Variants in SLC25A26 observed in about 807,000 individuals in gnomAD.
SLC25A26 encodes the protein mitochondrial S-adenosylmethionine carrier protein.
SLC25A26 carries 36 observed loss-of-function variants against 37.8 expected under a neutral mutation model. The ratio of observed to expected loss-of-function variants is 0.95; its 90% confidence interval spans 0.73 to 1.26. SLC25A26 has a LOEUF of 1.26. Among genes scored for constraint, SLC25A26 ranks in the 50% most tolerant of loss-of-function variants. The pLI is 0.00. For missense variants in SLC25A26, 390 were observed against 331.1 expected (o/e 1.18, Z -1.38); for synonymous variants, 129 against 122.5 (o/e 1.05, Z -0.35).
intron 6 of SLC25A26, among the ~76,000 whole-genome samples, chr3:66,348,144 A>C (rs1188079335): frequency 6.6e-6 from 1 of 152,212 alleles, no homozygotes; most frequent in Non-Finnish European, 1.5e-5. Context: ...CAACAACAAC[A>C]ACAGCAAAAG....
At chr3:66,301,436 A>G (rs969247847) in intron 5 of SLC25A26, among the ~76,000 whole-genome samples, 2 of 152,210 alleles carry the variant, frequency 1.3e-5, no homozygotes, top group African/African-American at 4.8e-5. Context: ...GGAGGGCACA[A>G]CCAATTCGTC....
chr3:66,169,884 A>G (rs1200153712), intron 1 of SLC25A26, among the ~76,000 whole-genome samples: 5 of 152,212 alleles, frequency 3.3e-5, no homozygotes, highest in Non-Finnish European at 7.3e-5. Context: ...ATATCTTTAC[A>G]TGTCCATGAA....
chr3:66,305,964 ATTGT>A (rs2075208796), intron 5 of SLC25A26, among the ~76,000 whole-genome samples: 1 of 151,896 alleles, frequency 6.6e-6, no homozygotes, highest in South Asian at 2.1e-4. Context: ...GCCAGCATCT[ATTGT>A]TTCTTTCTTT....
At chr3:66,147,486 G>A (rs1014420857) in intron 1 of SLC25A26, among the ~76,000 whole-genome samples, 1 of 151,820 alleles carries the variant, frequency 6.6e-6, no homozygotes, top group Non-Finnish European at 1.5e-5. Flanking sequence ...TTCACTCGTT[G>A]GTTGATGGAC....
chr3:66,362,427 TAA>T (rs34400653), intron 6 of SLC25A26, among the ~76,000 whole-genome samples: 1 of 151,934 alleles, frequency 6.6e-6, no homozygotes, highest in African/African-American at 2.4e-5. Flanking sequence ...AAGTTGGATT[TAA>T]AAAAAATATG....
At chr3:66,339,873 A>T (rs1450870108) in intron 5 of SLC25A26, among the ~76,000 whole-genome samples, 4 of 151,922 alleles carry the variant, frequency 2.6e-5, no homozygotes, top group Admixed American at 2.0e-4. Flanking sequence ...ATGTAGTCCC[A>T]TTTATTTCTT....
intron 5 of SLC25A26, among the ~76,000 whole-genome samples, chr3:66,294,538 GTTTA>G (rs1037865123): frequency 4.6e-5 from 7 of 152,048 alleles, no homozygotes; most frequent in African/African-American, 7.2e-5. Flanking sequence ...TGTAGTATTT[GTTTA>G]TTTATTTATT....
chr3:66,194,234 G>A (rs2071000135), intron 1 of SLC25A26, among the ~76,000 whole-genome samples: 1 of 152,140 alleles, frequency 6.6e-6, no homozygotes, highest in South Asian at 2.1e-4. Flanking sequence ...TTATAAATAT[G>A]TTTTGCTCAT....
At chr3:66,266,582 T>TTTTC (rs1365401466) in intron 5 of SLC25A26, among the ~76,000 whole-genome samples, 28 of 150,274 alleles carry the variant, frequency 1.9e-4, no homozygotes, top group African/African-American at 6.7e-4. Flanking sequence ...CACACTTTTT[T>TTTTC]TTTTTTTTTT....
chr3:66,377,133 A>G (rs943472629), intron 9 of SLC25A26, among the ~76,000 whole-genome samples: 1 of 152,132 alleles, frequency 6.6e-6, no homozygotes, highest in Non-Finnish European at 1.5e-5. Flanking sequence ...CATTGCTCTG[A>G]TTATTCTACA....
intron 1 of SLC25A26, among the ~76,000 whole-genome samples, chr3:66,232,567 A>C (rs890003921): frequency 6.6e-6 from 1 of 152,238 alleles, no homozygotes; most frequent in East Asian, 1.9e-4. Context: ...AATTGTGTTC[A>C]GTGCTTGGAA....
rs71616221 is a variant in SLC25A26, at chr3:66,367,707, CAGAG to C, written c.569-1749_569-1746del. Among the ~76,000 whole-genome samples the C allele has an allele frequency of 3.7e-3, 503 of 136,782 alleles. 1 individual carries two copies. The highest frequency in any genetic ancestry group is 6.5e-3 in the African/African-American group (198 of 30,572). The allele number at this position is 136,782 out of a possible 152,430, so 89.7% of individuals were successfully genotyped here. On this transcript the variant is annotated intron_variant, in intron 7 of 9. Coordinates refer to ENST00000354883, the MANE Select transcript of SLC25A26 (RefSeq NM_001379210.1). The stretch of plus-strand genomic sequence containing the variant: ...AGACAGACAGACAGACAGACAGACA[CAGAG>C]AGAGAGAGAGAGAGAGAGAGACAGA...
chr3:66,362,270 C>T (rs1202184066), intron 6 of SLC25A26, among the ~76,000 whole-genome samples: 2 of 151,920 alleles, frequency 1.3e-5, no homozygotes, highest in South Asian at 2.1e-4. Flanking sequence ...TGTAATAGCC[C>T]CAAACTGGAA....
chr3:66,251,728 A>G (rs782713792), intron 3 of SLC25A26, among the ~76,000 whole-genome samples: 1 of 152,162 alleles, frequency 6.6e-6, no homozygotes, highest in Non-Finnish European at 1.5e-5. Flanking sequence ...GTAGAAAGGA[A>G]CATTGTACCC....
rs148201931 is a variant in SLC25A26 at position 66,251,844 on chromosome 3, A to C, written c.300+8532A>C. Among the ~76,000 whole-genome samples, 38 of 152,228 alleles carry C rather than the reference A, an allele frequency of 2.5e-4. No individual in the cohort carries two copies. In the East Asian group the frequency reaches 7.1e-3, roughly 29 times the overall value. On this transcript the variant is annotated intron_variant, in intron 3 of 9. Coordinates refer to ENST00000354883, the MANE Select transcript of SLC25A26 (RefSeq NM_001379210.1). ...TTTTTCTAATATAGTATGCAGTGTT[A>C]GTTCAGATGGTATTGATTCATGACC...
chr3:66,162,976 G>GCAGA (rs1206217834), intron 1 of SLC25A26, among the ~76,000 whole-genome samples: 4 of 152,176 alleles, frequency 2.6e-5, no homozygotes, highest in Non-Finnish European at 5.9e-5. Context: ...TTGGAACTCT[G>GCAGA]GCCTTATTTC....
At chr3:66,277,360 T>C (rs1240825871) in intron 5 of SLC25A26, among the ~76,000 whole-genome samples, 3 of 152,024 alleles carry the variant, frequency 2.0e-5, no homozygotes, top group South Asian at 2.1e-4. Context: ...AAGACAAATA[T>C]TGTATTATAT....
chr3:66,319,446 G>C (rs1014566052), intron 5 of SLC25A26, among the ~76,000 whole-genome samples: 3 of 151,450 alleles, frequency 2.0e-5, no homozygotes, highest in Non-Finnish European at 4.4e-5. Context: ...TTATTAGGAG[G>C]TTTATTTTTC....
chr3:66,179,065 C>T (rs1460697276), intron 1 of SLC25A26, among the ~76,000 whole-genome samples: 2 of 152,122 alleles, frequency 1.3e-5, no homozygotes, highest in Non-Finnish European at 2.9e-5. Context: ...ATTGAAAGGA[C>T]AGCTGAAAAA....
Sources: allele counts gnomAD v4.1 joint callset (sites outside exome capture counted in the v4.1 genomes callset), GRCh38; gene constraint gnomAD v4.1.1; transcripts MANE v1.5; gene names NCBI Gene and HGNC (gene_info 2026-07-23, HGNC 2026-07-21).